PCDH15: variants seen among roughly 807,000 people sequenced by gnomAD.
PCDH15 encodes the protein protocadherin related 15.
In PCDH15, 129 loss-of-function variants were observed where a neutral mutation model predicts 178.5. The ratio of observed to expected loss-of-function variants is 0.72; its 90% CI spans 0.63 to 0.84. The LOEUF (loss-of-function observed/expected upper bound fraction) is 0.84, where lower values mean the gene tolerates loss of function less well. Among genes scored for constraint, PCDH15 ranks in the 40% least tolerant of loss-of-function variants. PCDH15 has a pLI of 0.00. For synonymous variants in PCDH15, 800 were observed against 732.0 expected (o/e 1.09, Z -1.50); for missense variants, 2,230 against 2,099.9 (o/e 1.06, Z -1.21).
intron 8 of PCDH15, among the ~76,000 whole-genome samples, chr10:54,282,920 G>A (rs1467653139): frequency 1.3e-5 from 2 of 152,002 alleles, no homozygotes; most frequent in African/African-American, 4.8e-5. Context: ...ATTTCTATAT[G>A]AGATTATGAG....
chr10:54,450,594 A>C (rs1355121430), intron 3 of PCDH15, among the ~76,000 whole-genome samples: 2 of 151,730 alleles, frequency 1.3e-5, no homozygotes, highest in African/African-American at 4.8e-5. Context: ...AAGTTACTAA[A>C]GGCAAATATA....
intron 5 of PCDH15, among the ~76,000 whole-genome samples, chr10:54,365,791 C>T (rs12764477): frequency 0.05 from 7,606 of 152,104 alleles, 219 homozygotes; most frequent in Admixed American, 0.098. Context: ...ACTTCAATGT[C>T]TTATGTCTTG....
intron 13 of PCDH15, among the ~76,000 whole-genome samples, chr10:54,164,266 T>C (rs890220839): frequency 5.9e-5 from 9 of 152,152 alleles, no homozygotes; most frequent in African/African-American, 1.7e-4. Context: ...AATTTGGAAA[T>C]ATTAAAGTGT....
At chr10:55,020,556 A>C (rs10825434) in intron 2 of PCDH15, among the ~76,000 whole-genome samples, 11,413 of 152,114 alleles carry the variant, frequency 0.075, 669 homozygotes, top group African/African-American at 0.16. Flanking sequence ...ATCTATTACT[A>C]CATTTTTTTC....
At chr10:54,581,663 G>A (rs979225450) in intron 2 of PCDH15, among the ~76,000 whole-genome samples, 1 of 151,972 alleles carries the variant, frequency 6.6e-6, no homozygotes, top group Admixed American at 6.6e-5. Flanking sequence ...CATATTATCC[G>A]ACTTCAGCTA....
chr10:54,231,174 G>C (rs2054020847), intron 9 of PCDH15, among the ~76,000 whole-genome samples: 1 of 152,168 alleles, frequency 6.6e-6, no homozygotes, highest in Non-Finnish European at 1.5e-5. Flanking sequence ...GGTTTTGTGG[G>C]CCAGGACCAC....
intron 2 of PCDH15, among the ~76,000 whole-genome samples, chr10:55,409,958 T>C (rs1215224118): frequency 6.6e-6 from 1 of 152,160 alleles, no homozygotes. Context: ...TGAATGTGGG[T>C]TTTAAACAAA....
At chr10:54,162,982 G>A (rs755997591) in intron 13 of PCDH15, among the ~76,000 whole-genome samples, 26 of 148,918 alleles carry the variant, frequency 1.7e-4, no homozygotes, top group Non-Finnish European at 3.6e-4. Flanking sequence ...ATAAACAAAC[G>A]TTTATGGAAT....
At chr10:54,222,882 C>A (rs571501054) in intron 9 of PCDH15, among the ~76,000 whole-genome samples, 2 of 152,310 alleles carry the variant, frequency 1.3e-5, no homozygotes, top group South Asian at 2.1e-4. Context: ...GGATACATTT[C>A]GCAAATACAT....
chr10:54,169,690 C>T lies in PCDH15; in HGVS notation c.1590+13754G>A, dbSNP rs187455435. Among the ~76,000 whole-genome samples the T allele has an allele frequency of 7.4e-3, 1,127 of 151,790 alleles. 20 individuals are homozygous for T. Among genetic ancestry groups the T allele is most frequent in the African/African-American group, 0.026 (1,055 of 41,264 alleles). ...ACTCCCTCCTTGGCGACCAATCATGCACCCCTTACCATCTCATTAAAACCT... is the reference window on the plus strand; with the variant it reads ...ACTCCCTCCTTGGCGACCAATCATGTACCCCTTACCATCTCATTAAAACCT... On this transcript the variant is annotated intron_variant, in intron 13 of 37. Transcript: ENST00000644397.
chr10:55,105,666 A>T (rs1382332698), intron 2 of PCDH15, among the ~76,000 whole-genome samples: 1 of 152,118 alleles, frequency 6.6e-6, no homozygotes, highest in Non-Finnish European at 1.5e-5. Flanking sequence ...AGCAGCAGGT[A>T]TGTTTATTGT....
At chr10:54,175,629 G>A (rs2047359753) in intron 13 of PCDH15, among the ~76,000 whole-genome samples, 1 of 152,060 alleles carries the variant, frequency 6.6e-6, no homozygotes, top group East Asian at 1.9e-4. Flanking sequence ...GAAAACTGAG[G>A]TACAAAAGGT....
chr10:54,642,014 T>A (rs2094001839), intron 2 of PCDH15, among the ~76,000 whole-genome samples: 2 of 152,126 alleles, frequency 1.3e-5, no homozygotes, highest in South Asian at 4.1e-4. Flanking sequence ...ATTGCTATAG[T>A]CTGAATATTT....
chr10:54,369,457 A>C (rs1046269493), intron 4 of PCDH15, among the ~76,000 whole-genome samples, 182 bp from the exon 5 acceptor site: 3 of 152,014 alleles, frequency 2.0e-5, no homozygotes, highest in Non-Finnish European at 4.4e-5. Context: ...TTATTGTTTA[A>C]TTTTGTATCT....
At chr10:54,202,931 G>A (rs2050402442) in intron 10 of PCDH15, among the ~76,000 whole-genome samples, 1 of 151,980 alleles carries the variant, frequency 6.6e-6, no homozygotes, top group African/African-American at 2.4e-5. Context: ...TGGTTATAAT[G>A]TGAGCAGAAT....
chr10:53,909,554 A>G (rs769611918), intron 25 of PCDH15, among the ~76,000 whole-genome samples: 5 of 152,326 alleles, frequency 3.3e-5, no homozygotes, highest in Middle Eastern at 3.4e-3. Context: ...ACAGCTGAAT[A>G]GGAACAGCTC....
At chr10:54,521,363 C>T (rs868455996) in intron 3 of PCDH15, among the ~76,000 whole-genome samples, 3 of 152,094 alleles carry the variant, frequency 2.0e-5, no homozygotes, top group Non-Finnish European at 4.4e-5. Context: ...TGATGGGATG[C>T]TATTTGCTAT....
At chr10:54,189,893 G>C in intron 11 of PCDH15, among the ~76,000 whole-genome samples, 1 of 149,026 alleles carries the variant, frequency 6.7e-6, no homozygotes, top group Non-Finnish European at 1.5e-5. Context: ...TGTATAAACT[G>C]ATATGGTTCA....
At chr10:54,940,489 GTATA>G (rs943129164) in intron 2 of PCDH15, among the ~76,000 whole-genome samples, 1 of 152,084 alleles carries the variant, frequency 6.6e-6, no homozygotes, top group African/African-American at 2.4e-5. Context: ...TGAAAAGAAA[GTATA>G]TAGTGCTGTA....
Sources: allele counts gnomAD v4.1 joint callset (sites outside exome capture counted in the v4.1 genomes callset), GRCh38; gene constraint gnomAD v4.1.1; transcripts MANE v1.5; gene names NCBI Gene and HGNC (gene_info 2026-07-23, HGNC 2026-07-21).